The following NPAS3 variants were observed in gnomAD, a reference collection of about 807,000 sequenced individuals.
NPAS3 encodes the protein neuronal PAS domain-containing protein 3.
A neutral mutation model predicts 73.1 loss-of-function variants in NPAS3; 14 were observed. That is an observed-to-expected ratio of 0.19 (90% CI 0.13 to 0.30). NPAS3 has a LOEUF of 0.30. Ranked by LOEUF, NPAS3 falls within the 10% of genes least tolerant of loss-of-function variation. The probability of loss-of-function intolerance (pLI) is 1.00; values close to 1 mark genes in which losing one functional copy is unlikely to be tolerated. For synonymous variants in NPAS3, 620 were observed against 541.5 expected, an observed-to-expected ratio of 1.14 and a Z score of -2.01; for missense variants, 1,096 against 1,250.0, an observed-to-expected ratio of 0.88 and a Z score of 1.86.
chr14:33,577,991 C>T (rs2056509712), intron 5 of NPAS3, among the ~76,000 whole-genome samples: 2 of 152,192 alleles, frequency 1.3e-5, no homozygotes, highest in South Asian at 2.1e-4. Context: ...TGTCTCTCGG[C>T]CTTGTGCCAA....
chr14:33,533,151 C>T (rs2054114205), intron 4 of NPAS3, among the ~76,000 whole-genome samples: 1 of 152,076 alleles, frequency 6.6e-6, no homozygotes, highest in South Asian at 2.1e-4. Flanking sequence ...TTATAAAAGA[C>T]TGGCAGAGAT....
intron 1 of NPAS3, among the ~76,000 whole-genome samples, chr14:32,999,819 G>A (rs1228390942): frequency 6.6e-6 from 1 of 152,016 alleles, no homozygotes; most frequent in Non-Finnish European, 1.5e-5. Context: ...GGTTTCTGTT[G>A]CTTGTAATAA....
intron 5 of NPAS3, among the ~76,000 whole-genome samples, chr14:33,566,604 T>C (rs2055957319): frequency 6.6e-6 from 1 of 152,166 alleles, no homozygotes. Context: ...ATCATCTATA[T>C]TGGCAGGGAT....
chr14:33,088,317 GA>G (rs976324732), intron 2 of NPAS3, among the ~76,000 whole-genome samples: 3 of 150,512 alleles, frequency 2.0e-5, no homozygotes, highest in African/African-American at 7.5e-5. Flanking sequence ...ATGGCAACTG[GA>G]AAATCGGGTC....
At position 33,582,970 on chromosome 14, in the gene NPAS3, GT is replaced by G. The variant is rs55885070; in HGVS notation, c.558+22776del. Among the ~76,000 whole-genome samples the G allele has an allele frequency of 1.5e-3, 141 of 93,278 alleles. 1 individual carries two copies. The highest frequency in any genetic ancestry group is 5.0e-3 in the East Asian group (21 of 4,164). 61.2% of individuals were successfully genotyped at this position (93,278 alleles called of 152,430 possible). On this transcript the variant is annotated intron_variant, in intron 5 of 11. Coordinates refer to ENST00000356141, the Ensembl canonical transcript of NPAS3. ...TCCTTTGGACCTAGATATTTAAAGG[GT>G]TTTTTTTTTTTTTTTGGCTACTGGT...
rs373755574 is a variant in NPAS3 at position 33,800,079 on chromosome 14, C to T, written c.1772C>T (p.Ala591Val). The stretch of plus-strand genomic sequence containing the variant: ...TCGGACAGCGCAGGCGAGGCGGGCG[C>T]GCAGGCCTCCAGCAAGCACCAGAAG... The change falls in exon 12 of 12, where the codon GCG (alanine) becomes GTG (valine). Residue 591 changes from alanine (A) to valine (V), a missense_variant. By Grantham distance (64) the Ala-to-Val change is moderately conservative. Transcript: ENST00000356141. This position sits in a 1 kb window ranked among gnomAD's most constrained non-coding sequence, Gnocchi z 6.5. The T allele has an allele frequency of 1.9e-5, 31 of 1,596,390 alleles. No individual in the cohort carries two copies. The African/African-American group carries it at 4.0e-4, about 21-fold the overall frequency.
chr14:33,465,903 T>C (rs1036148043), intron 4 of NPAS3, among the ~76,000 whole-genome samples: 1 of 152,114 alleles, frequency 6.6e-6, no homozygotes, highest in Non-Finnish European at 1.5e-5. Context: ...ATATAATAGA[T>C]AATAAAATGC....
chr14:33,684,313 CTTTTT>C (rs2060026526), intron 6 of NPAS3, among the ~76,000 whole-genome samples: 1 of 149,408 alleles, frequency 6.7e-6, no homozygotes, highest in Non-Finnish European at 1.5e-5. Context: ...TATTTCTTTT[CTTTTT>C]ATTTTTTTGA....
chr14:33,520,972 G>A (rs556535021), intron 4 of NPAS3, among the ~76,000 whole-genome samples: 35 of 152,248 alleles, frequency 2.3e-4, no homozygotes, highest in African/African-American at 8.4e-4. Context: ...TTTTACCCTT[G>A]TTGGATTTTT....
At chr14:33,336,896 A>C (rs1040474699) in intron 3 of NPAS3, among the ~76,000 whole-genome samples, 1 of 152,060 alleles carries the variant, frequency 6.6e-6, no homozygotes, top group African/African-American at 2.4e-5. Context: ...GAGAAATTCT[A>C]TTCAAATATT....
chr14:33,600,474 A>G (rs1442213263), intron 5 of NPAS3, among the ~76,000 whole-genome samples: 1 of 152,192 alleles, frequency 6.6e-6, no homozygotes, highest in Non-Finnish European at 1.5e-5. Flanking sequence ...TAGATTTGGG[A>G]TCAACAAATG....
intron 5 of NPAS3, among the ~76,000 whole-genome samples, chr14:33,630,623 T>A (rs2058351544): frequency 6.6e-6 from 1 of 152,190 alleles, no homozygotes; most frequent in Admixed American, 6.5e-5. Context: ...CTACAAACAA[T>A]TTGACAGGAG....
intron 1 of NPAS3, among the ~76,000 whole-genome samples, chr14:32,975,728 G>C (rs1476575241): frequency 6.6e-6 from 1 of 151,966 alleles, no homozygotes; most frequent in Non-Finnish European, 1.5e-5. Flanking sequence ...GATCATGAAG[G>C]ATTGATAGCT....
chr14:33,357,301 A>G (rs1165773444), intron 3 of NPAS3, among the ~76,000 whole-genome samples: 1 of 152,224 alleles, frequency 6.6e-6, no homozygotes, highest in Non-Finnish European at 1.5e-5. Flanking sequence ...TACTGCTGGA[A>G]TAGGGCATGA....
chr14:33,155,142 TGGGATGA>T (rs909086128), intron 2 of NPAS3, among the ~76,000 whole-genome samples: 3 of 152,218 alleles, frequency 2.0e-5, no homozygotes, highest in African/African-American at 7.2e-5. Context: ...ACTTTTGCCT[TGGGATGA>T]GTGCTGTTCC....
intron 4 of NPAS3, among the ~76,000 whole-genome samples, chr14:33,469,464 A>G (rs745704503): frequency 5.9e-5 from 9 of 152,208 alleles, no homozygotes; most frequent in Non-Finnish European, 8.8e-5. Flanking sequence ...TATATAACTT[A>G]CTTAGGACCT....
At chr14:33,375,190 G>C (rs1254549978) in intron 4 of NPAS3, among the ~76,000 whole-genome samples, 1 of 152,170 alleles carries the variant, frequency 6.6e-6, no homozygotes, top group Non-Finnish European at 1.5e-5. Context: ...AGGGGAGAAA[G>C]TTGAGTGACC....
intron 7 of NPAS3, among the ~76,000 whole-genome samples, chr14:33,755,558 T>C (rs1399905108): frequency 1.3e-5 from 2 of 152,182 alleles, no homozygotes; most frequent in African/African-American, 4.8e-5. Flanking sequence ...GAATCATGGC[T>C]GATGTGATTA....
chr14:33,606,654 C>T (rs1196673275), intron 5 of NPAS3, among the ~76,000 whole-genome samples: 4 of 152,062 alleles, frequency 2.6e-5, no homozygotes, highest in Non-Finnish European at 4.4e-5. Flanking sequence ...TAGAAGAAAA[C>T]GTGAGAAAAC....
Sources: gnomAD v4.1 joint callset for allele counts (sites outside exome capture counted in the v4.1 genomes callset) on GRCh38, gnomAD v4.1.1 for gene constraint, Gnocchi (gnomAD v3.1) non-coding constraint, MANE v1.5 for transcripts, NCBI Gene and HGNC (gene_info 2026-07-23, HGNC 2026-07-21) for gene names.